Variants in PCDHGB3 observed in about 807,000 individuals in gnomAD.
PCDHGB3 encodes the protein protocadherin gamma-B3.
A neutral mutation model predicts 59.2 loss-of-function variants in PCDHGB3; 40 were observed. The ratio of observed to expected loss-of-function variants is 0.68; its 90% CI spans 0.52 to 0.88. PCDHGB3 has a LOEUF of 0.88. Ranked by LOEUF, PCDHGB3 falls within the 40% of genes least tolerant of loss-of-function variation. The pLI, the probability that PCDHGB3 is intolerant of heterozygous loss-of-function variation, is 0.00. For synonymous variants in PCDHGB3, 581 were observed against 503.6 expected (o/e 1.15, Z -2.06); for missense variants, 1,309 against 1,187.9 (o/e 1.10, Z -1.50).
intron 1 of PCDHGB3, chr5:141,383,360 T>C (rs1319923403): frequency 6.2e-7 from 1 of 1,614,006 alleles, no homozygotes; most frequent in Admixed American, 1.7e-5. Flanking sequence ...CGGTTTCCGT[T>C]AAGCGAGGCT....
intron 1 of PCDHGB3, chr5:141,383,994 C>T: frequency 6.2e-7 from 1 of 1,613,758 alleles, no homozygotes. Flanking sequence ...TTGGGACAGT[C>T]ATTGCTCTTT....
chr5:141,388,426 T>C, intron 1 of PCDHGB3: 1 of 1,613,864 alleles, frequency 6.2e-7, no homozygotes, highest in Non-Finnish European at 8.5e-7. Context: ...TTCTCACTGA[T>C]AAATAAAGAG....
chr5:141,389,456 C>T, intron 1 of PCDHGB3: 1 of 1,613,332 alleles, frequency 6.2e-7, no homozygotes, highest in South Asian at 1.1e-5. Context: ...AGCAGCTGCG[C>T]GCCTTCGAAC....
chr5:141,503,221 C>A (rs528636727), intron 2 of PCDHGB3, among the ~76,000 whole-genome samples: 2 of 151,956 alleles, frequency 1.3e-5, no homozygotes, highest in Non-Finnish European at 2.9e-5. Context: ...CCATGAGCAC[C>A]GTAAAGATGG....
chr5:141,460,582 G>A (rs1246329967), intron 1 of PCDHGB3, among the ~76,000 whole-genome samples: 2 of 152,022 alleles, frequency 1.3e-5, no homozygotes, highest in South Asian at 4.1e-4. Context: ...GTAGGTGTGG[G>A]TTTTTTCTGG....
At position 141,490,207 on chromosome 5, in the gene PCDHGB3, C is replaced by G. The variant is rs142098675; in HGVS notation, c.2416-4600C>G. ...TTTCTATGAAATTCATGCAAGAGCC[C>G]GTGACCAGGGACAGCCTGCCATGGA... On this transcript the variant is annotated intron_variant, in intron 1 of 3. Coordinates refer to ENST00000576222, the MANE Select transcript of PCDHGB3 (RefSeq NM_018924.5). This position sits in a 1 kb window ranked among gnomAD's most constrained non-coding sequence, Gnocchi z 5.4. 2.9e-4 allele frequency: 470 copies of G among 1,614,056 alleles called. 1 individual carries two copies. Among genetic ancestry groups the G allele is most frequent in the Non-Finnish European group, 3.7e-4 (439 of 1,180,030 alleles).
intron 1 of PCDHGB3, chr5:141,419,465 G>A (rs568864628): frequency 1.9e-6 from 3 of 1,612,544 alleles, no homozygotes; most frequent in South Asian, 1.1e-5. Context: ...GCAGGCCCGC[G>A]ACCAGGGCTC....
chr5:141,399,753 G>A (rs1418820057), intron 1 of PCDHGB3: 6 of 1,613,252 alleles, frequency 3.7e-6, no homozygotes, highest in Middle Eastern at 1.7e-4. Flanking sequence ...GCGCAAACGT[G>A]AGCCTGCGCG....
intron 1 of PCDHGB3, chr5:141,387,677 C>A (rs1256771366): frequency 1.8e-5 from 13 of 740,970 alleles, no homozygotes; most frequent in South Asian, 4.0e-5. Context: ...GATCTCCTCG[C>A]GCAGCCGCAG....
At position 141,511,235 on chromosome 5, in the gene PCDHGB3, C is replaced by G; in HGVS notation, c.*62C>G. On this transcript the variant is annotated 3_prime_UTR_variant, in exon 4 of 4. Transcript: ENST00000576222. ...CCCCAACCAGCCCAGCTTCTCCTTA[C>G]CTGCACCCAGGCCTCAGAGTTTCAG... 2 of 1,592,936 alleles carry G rather than the reference C, an allele frequency of 1.3e-6. No homozygotes were observed. The highest frequency in any genetic ancestry group is 1.7e-6 in the Non-Finnish European group (2 of 1,169,652).
At chr5:141,497,060 G>T (rs1244885752) in intron 2 of PCDHGB3, among the ~76,000 whole-genome samples, 1 of 151,952 alleles carries the variant, frequency 6.6e-6, no homozygotes, top group Non-Finnish European at 1.5e-5. Context: ...GTGGTGGCAG[G>T]CACCTGTAAT....
At chr5:141,459,806 A>G (rs2154566682) in intron 1 of PCDHGB3, among the ~76,000 whole-genome samples, 1 of 152,342 alleles carries the variant, frequency 6.6e-6, no homozygotes, top group African/African-American at 2.4e-5. Flanking sequence ...CCTGTTGACT[A>G]GAGACACTGA....
Position 141,476,144 on chromosome 5 carries a change from C to T in PCDHGB3, c.2416-18663C>T. ...GGTCCCAGAGGCCTGGAGGAGCGGA[C>T]TGGTAAGCACCGGGAGGGTAGTGGG... is the stretch of plus-strand genomic sequence containing the variant. On this transcript the variant is annotated intron_variant, in intron 1 of 3. Transcript: ENST00000576222. This position sits in a 1 kb window ranked among gnomAD's most constrained non-coding sequence, Gnocchi z 7.6. 6.2e-7 allele frequency: 1 copy of T among 1,610,510 alleles called. No individual in the cohort carries two copies. The highest frequency in any genetic ancestry group is 1.3e-5 in the African/African-American group (1 of 75,014).
At chr5:141,427,773 C>T (rs1285483564) in intron 1 of PCDHGB3, 1 of 1,414,460 alleles carries the variant, frequency 7.1e-7, no homozygotes, top group Non-Finnish European at 9.9e-7. Flanking sequence ...CTTGGAGCTG[C>T]GGGCACTGTC....
At chr5:141,392,559 A>T in intron 1 of PCDHGB3, 2 of 384,544 alleles carry the variant, frequency 5.2e-6, no homozygotes, top group Non-Finnish European at 4.6e-6. Context: ...ATCTCAGTGC[A>T]GTAACTATTT....
chr5:141,485,408 T>G lies in PCDHGB3; in HGVS notation c.2416-9399T>G. On this transcript the variant is annotated intron_variant, in intron 1 of 3. Transcript: ENST00000576222. The surrounding 1 kb of genome is among the most constrained non-coding windows in gnomAD (Gnocchi z 5.7). ...GAACCAAAGACACTTCCGTGTGGAT[T>G]TGGACAGCGGAGCCCTGCTCATCAA... 1 of 1,614,112 alleles carries G rather than the reference T, an allele frequency of 6.2e-7. No individual in the cohort carries two copies. The highest frequency in any genetic ancestry group is 8.5e-7 in the Non-Finnish European group (1 of 1,180,034).
In PCDHGB3 at chr5:141,371,984, C is replaced by G. The variant is rs761389914; in HGVS notation, c.1590C>G (p.Leu530=). ...ACGAGCAGCTGCGTGCCTTCGAGCT[C>G]ACTCTGCAGGCCCGCGACCAGGGCT... The part of the protein sequence containing the change: ...FDHEQLRAFE[L]TLQARDQGSP... The change falls in exon 1 of 4, where the codon CTC becomes CTG. Residue 530 remains leucine, a synonymous_variant. Coordinates refer to ENST00000576222, the MANE Select transcript of PCDHGB3 (RefSeq NM_018924.5). 2.5e-6 allele frequency: 4 copies of G among 1,613,266 alleles called. No individual in the cohort carries two copies. The highest frequency in any genetic ancestry group is 2.5e-6 in the Non-Finnish European group (3 of 1,179,774).
chr5:141,481,312 T>C (rs953898526), intron 1 of PCDHGB3, among the ~76,000 whole-genome samples: 1 of 152,200 alleles, frequency 6.6e-6, no homozygotes, highest in Non-Finnish European at 1.5e-5. Flanking sequence ...AAAACCTTCC[T>C]AAAGCACTAG....
intron 1 of PCDHGB3, chr5:141,385,002 C>T: frequency 6.2e-7 from 1 of 1,614,138 alleles, no homozygotes; most frequent in Admixed American, 1.7e-5. Flanking sequence ...CCACAGTCTC[C>T]TGCGTCTTCC....
Sources: allele counts gnomAD v4.1 joint callset (sites outside exome capture counted in the v4.1 genomes callset), GRCh38; gene constraint gnomAD v4.1.1; non-coding constraint Gnocchi (gnomAD v3.1); transcripts MANE v1.5; gene names NCBI Gene and HGNC (gene_info 2026-07-23, HGNC 2026-07-21).